Variants in LGMN observed in about 807,000 individuals in gnomAD.
LGMN encodes legumain.
In LGMN, 36 loss-of-function variants were observed where a neutral mutation model predicts 56.8. The ratio of observed to expected loss-of-function variants is 0.63; its 90% CI spans 0.49 to 0.84. LGMN has a LOEUF of 0.84. Among genes scored for constraint, LGMN ranks in the 40% least tolerant of loss-of-function variants. The pLI is 0.00. For synonymous variants in LGMN, 199 were observed against 210.1 expected (o/e 0.95, Z 0.46); for missense variants, 446 against 556.1 (o/e 0.80, Z 1.99).
chr14:92,732,474 G>T, intron 2 of LGMN, 175 bp downstream of exon 2: 5 of 669,120 alleles, frequency 7.5e-6, no homozygotes, highest in Non-Finnish European at 1.2e-5. Context: ...AATCCTCCTG[G>T]CAACATATGA....
intron 9 of LGMN, 33 bp from the exon 10 acceptor site, chr14:92,711,781 C>T (rs1889791840): frequency 6.2e-7 from 1 of 1,611,604 alleles, no homozygotes; most frequent in Non-Finnish European, 8.5e-7. Context: ...AGACCTTTGA[C>T]AATCAGAGTC....
chr14:92,732,603 A>G, intron 2 of LGMN, 46 bp downstream of exon 2: 1 of 1,597,562 alleles, frequency 6.3e-7, no homozygotes. Context: ...AATTGTTTTC[A>G]GAATGCCAGT....
In LGMN at chr14:92,704,293, T is replaced by C. The variant is rs1186866287; in HGVS notation, c.*26A>G. The C allele has an allele frequency of 2.5e-6, 4 of 1,613,950 alleles. No individual in the cohort carries two copies. The East Asian group carries it at 6.7e-5, about 27-fold the overall frequency. On this transcript the variant is annotated 3_prime_UTR_variant, in exon 14 of 14. Coordinates refer to ENST00000334869, the MANE Select transcript of LGMN (RefSeq NM_005606.7). Reference sequence around the variant, plus strand: ...ACACAGTCGGTGGGGCGCTCACACTTGGAAAAGCTTCCAGGAGGCAGCTCT... The same window carrying C: ...ACACAGTCGGTGGGGCGCTCACACTCGGAAAAGCTTCCAGGAGGCAGCTCT...
At chr14:92,719,368 ACCACCAACACCGCCACCAACACCG>A (rs200589200) in intron 2 of LGMN, among the ~76,000 whole-genome samples, 1 of 135,934 alleles carries the variant, frequency 7.4e-6, no homozygotes, top group Non-Finnish European at 1.6e-5. Context: ...CACCACCACC[ACCACCAACACCGCCACCAACACCG>A]CCACCAACAC....
intron 11 of LGMN, among the ~76,000 whole-genome samples, chr14:92,708,856 C>CAAAAAAAAAAAAAAAAAAAAAAAAAA (rs58813848): frequency 1.4e-5 from 1 of 71,650 alleles, no homozygotes; most frequent in African/African-American, 5.1e-5. Flanking sequence ...ACTCTTGTCT[C>CAAAAAAAAAAAAAAAAAAAAAAAAAA]AAAAAAAAAA....
In LGMN at chr14:92,704,463, C is replaced by T. The variant is rs146899296; in HGVS notation, c.1260-102G>A. On this transcript the variant is annotated intron_variant, in intron 13 of 13. Coordinates refer to ENST00000334869, the MANE Select transcript of LGMN (RefSeq NM_005606.7). ...GGCAGGCAGGCAGTTATGACAGGCCCGCCCAGCAGCTGTCACTGAGAACGT... is the reference window on the plus strand; with the variant it reads ...GGCAGGCAGGCAGTTATGACAGGCCTGCCCAGCAGCTGTCACTGAGAACGT... 1.0e-3 allele frequency: 1,103 copies of T among 1,085,286 alleles called. 9 individuals are homozygous for T. The African/African-American group carries it at 0.016, about 15-fold the overall frequency. 67.2% of individuals were successfully genotyped at this position (1,085,286 alleles called of 1,614,324 possible). A position where few individuals can be genotyped will look rare whatever the true frequency, so the allele number is the denominator to read the frequency against.
At chr14:92,748,071 C>A (rs138606214) in intron 1 of LGMN, among the ~76,000 whole-genome samples, 1 of 152,110 alleles carries the variant, frequency 6.6e-6, no homozygotes, top group Non-Finnish European at 1.5e-5. Flanking sequence ...CCCTTTCCCA[C>A]GGGTGCAATC....
At chr14:92,708,021 G>C (rs528381221) in intron 11 of LGMN, among the ~76,000 whole-genome samples, 53 of 152,032 alleles carry the variant, frequency 3.5e-4, no homozygotes, top group Non-Finnish European at 5.4e-4. Flanking sequence ...CGTGGTGACG[G>C]GTGCCTGTAA....
chr14:92,736,620 ACTT>A (rs1042861593), intron 1 of LGMN, among the ~76,000 whole-genome samples: 2 of 152,080 alleles, frequency 1.3e-5, no homozygotes, highest in Admixed American at 6.6e-5. Context: ...AATAAAGTGA[ACTT>A]ATTATTAAAC....
At chr14:92,743,749 C>G (rs111511244) in intron 1 of LGMN, among the ~76,000 whole-genome samples, 1 of 149,574 alleles carries the variant, frequency 6.7e-6, no homozygotes, top group African/African-American at 2.5e-5. Context: ...TGCAGTGAGC[C>G]GAGATCAAAC....
At chr14:92,724,025 C>T (rs140056688) in intron 2 of LGMN, among the ~76,000 whole-genome samples, 313 of 152,290 alleles carry the variant, frequency 2.1e-3, no homozygotes, top group African/African-American at 7.1e-3. Context: ...AGCCACCACC[C>T]GGCCTGCCCA....
chr14:92,718,718 C>A (rs762282698), intron 3 of LGMN, 29 bp downstream of exon 3: 1 of 1,472,632 alleles, frequency 6.8e-7, no homozygotes, highest in South Asian at 1.1e-5. Context: ...AAGTCCTTCC[C>A]CACCAAGTTC....
At position 92,709,734 on chromosome 14, in the gene LGMN, T is replaced by C. The variant is rs777103735; in HGVS notation, c.958A>G (p.Met320Val). ...GACTCCTCCAGATCATTGGTGTTCA[T>C]CAGTTTCCTTTTCATGATGGTGAGA... ...VPLTIMKRKLMNTNDLEESRQ... is the reference protein window; with the variant it reads ...VPLTIMKRKLVNTNDLEESRQ... The change falls in exon 11 of 14, where the codon ATG becomes GTG. Residue 320 changes from methionine to valine, a missense_variant. By Grantham distance (21) the Met-to-Val change is conservative (BLOSUM62 1). Coordinates refer to ENST00000334869, the MANE Select transcript of LGMN (RefSeq NM_005606.7). 2.5e-6 allele frequency: 4 copies of C among 1,614,096 alleles called. No homozygotes were observed. Among genetic ancestry groups the C allele is most frequent in the Middle Eastern group, 1.7e-4 (1 of 6,048 alleles).
At chr14:92,706,296 G>T in intron 12 of LGMN, 187 bp downstream of exon 12, 1 of 454,666 alleles carries the variant, frequency 2.2e-6, no homozygotes, top group Non-Finnish European at 3.8e-6. Context: ...ACTGGGACAA[G>T]AAGAGTGTTC....
chr14:92,747,075 T>TC, intron 1 of LGMN, among the ~76,000 whole-genome samples: 1 of 146,102 alleles, frequency 6.8e-6, no homozygotes, highest in Middle Eastern at 3.6e-3. Context: ...CCACATGAAA[T>TC]CCCTTTACTG....
intron 2 of LGMN, among the ~76,000 whole-genome samples, chr14:92,722,368 G>A (rs1317926250): frequency 6.6e-6 from 1 of 152,052 alleles, no homozygotes; most frequent in Non-Finnish European, 1.5e-5. Context: ...ATCACTTGAG[G>A]TCAGGAGTTC....
Position 92,711,712 on chromosome 14 carries a change from G to A in LGMN, c.766C>T (p.His256Tyr), listed in dbSNP as rs781493383. 14 of 1,614,194 alleles carry A rather than the reference G, an allele frequency of 8.7e-6. No homozygotes were observed. Among genetic ancestry groups the A allele is most frequent in the Non-Finnish European group, 1.1e-5 (13 of 1,180,018 alleles). The change falls in exon 10 of 14, where the codon CAC becomes TAC. Residue 256 changes from histidine (H) to tyrosine (Y), a missense_variant. Transcript: ENST00000334869. ...GTGTTGGTGTGCGATTTTACCAGGT[G>A]GTACTGCTTGTGCAGGGTCTCTTTA... ...LTKETLHKQY[H>Y]LVKSHTNTSH...
chr14:92,732,916 C>G (rs1415875492), intron 1 of LGMN, 101 bp from the exon 2 acceptor site: 1 of 859,634 alleles, frequency 1.2e-6, no homozygotes, highest in East Asian at 2.8e-5. Flanking sequence ...TTTGGGAGGC[C>G]GAGGAGGGTG....
At chr14:92,723,858 A>G (rs1890615892) in intron 2 of LGMN, among the ~76,000 whole-genome samples, 1 of 152,164 alleles carries the variant, frequency 6.6e-6, no homozygotes, top group Non-Finnish European at 1.5e-5. Flanking sequence ...CAGCCTCCCA[A>G]GTAGCTGGGA....
Sources: allele counts gnomAD v4.1 joint callset (sites outside exome capture counted in the v4.1 genomes callset), GRCh38; gene constraint gnomAD v4.1.1; transcripts MANE v1.5; gene names NCBI Gene and HGNC (gene_info 2026-07-23, HGNC 2026-07-21).